The following AP2B1 variants were observed in gnomAD, a reference collection of about 807,000 sequenced individuals.
AP2B1 encodes the protein AP-2 complex subunit beta.
A neutral mutation model predicts 102.0 loss-of-function variants in AP2B1; 23 were observed. That is an observed-to-expected ratio of 0.23 (90% CI 0.16 to 0.32). AP2B1 has a LOEUF of 0.32. AP2B1 is among the 10% of genes least tolerant of loss of function. The probability of loss-of-function intolerance (pLI) is 1.00; values close to 1 mark genes in which losing one functional copy is unlikely to be tolerated. For missense variants in AP2B1, 541 were observed against 1,157.4 expected (o/e 0.47, Z 7.73); for synonymous variants, 381 against 421.2 (o/e 0.90, Z 1.17).
chr17:35,631,913 T>G (rs905299859), intron 9 of AP2B1, among the ~76,000 whole-genome samples: 1 of 152,192 alleles, frequency 6.6e-6, no homozygotes, highest in Admixed American at 6.5e-5. Flanking sequence ...GTAATTGAGA[T>G]GTTAACCCTT....
chr17:35,674,156 A>G lies in AP2B1; in HGVS notation c.2179-20A>G, dbSNP rs2075650198. On this transcript the variant is annotated intron_variant, in intron 16 of 21. Transcript: ENST00000610402. ...AGATAAATCTTGTCTGATTCTATTG[A>G]GCTTTATACTGTGTTTCAGGTCTGG... 2 of 1,603,670 alleles carry G rather than the reference A, an allele frequency of 1.2e-6. No homozygotes were observed. Among genetic ancestry groups the G allele is most frequent in the Non-Finnish European group, 1.7e-6 (2 of 1,174,660 alleles).
At chr17:35,683,431 AAG>A (rs773322131) in intron 18 of AP2B1, among the ~76,000 whole-genome samples, 3 of 152,196 alleles carry the variant, frequency 2.0e-5, no homozygotes, top group Admixed American at 1.3e-4. Context: ...TTAATATAAG[AAG>A]AGATTTATAT....
chr17:35,649,277 C>A (rs225280), intron 12 of AP2B1, among the ~76,000 whole-genome samples: 2 of 150,590 alleles, frequency 1.3e-5, no homozygotes, highest in Non-Finnish European at 3.0e-5. Context: ...AAAAAAATTT[C>A]TTTTTTTTGG....
intron 18 of AP2B1, among the ~76,000 whole-genome samples, chr17:35,706,818 T>A: frequency 6.6e-6 from 1 of 151,686 alleles, no homozygotes; most frequent in Non-Finnish European, 1.5e-5. Context: ...TATATATATA[T>A]TTTTTTGTAT....
At chr17:35,630,996 A>G (rs1161289701) in intron 9 of AP2B1, among the ~76,000 whole-genome samples, 2 of 152,346 alleles carry the variant, frequency 1.3e-5, no homozygotes, top group East Asian at 1.9e-4. Flanking sequence ...TAACTCATCC[A>G]TGGGACAGGA....
intron 18 of AP2B1, among the ~76,000 whole-genome samples, chr17:35,706,810 T>A (rs1236482206): frequency 1.3e-5 from 2 of 151,888 alleles, no homozygotes; most frequent in Non-Finnish European, 2.9e-5. Flanking sequence ...CCAACTAATA[T>A]ATATATATTT....
intron 14 of AP2B1, among the ~76,000 whole-genome samples, chr17:35,661,304 C>G (rs1276263480): frequency 6.6e-6 from 1 of 152,118 alleles, no homozygotes; most frequent in Non-Finnish European, 1.5e-5. Context: ...GAGGCAGGAC[C>G]TAGACATTGC....
At chr17:35,610,907 C>CA (rs566884121) in intron 5 of AP2B1, among the ~76,000 whole-genome samples, 110,708 of 134,428 alleles carry the variant, frequency 0.82, 45,342 homozygotes, top group East Asian at 0.96. Context: ...ACTCTTGTCT[C>CA]AAAAAAAAAA....
chr17:35,602,952 G>A lies in AP2B1; in HGVS notation c.144-2753G>A, dbSNP rs1191747369. On this transcript the variant is annotated intron_variant, in intron 3 of 21. Coordinates refer to ENST00000610402, the MANE Select transcript of AP2B1 (RefSeq NM_001030006.2). ...TTGTTTTGTGCATGAGCTAGTCTAG[G>A]AAATAGAAAACACATTTTTGGAGAG... is the stretch of plus-strand genomic sequence containing the variant. Among the ~76,000 whole-genome samples, 10 of 152,284 alleles carry A rather than the reference G, an allele frequency of 6.6e-5. No homozygotes were observed. The East Asian group carries it at 1.9e-3, about 29-fold the overall frequency.
intron 14 of AP2B1, among the ~76,000 whole-genome samples, chr17:35,665,835 A>C (rs1266098058): frequency 6.6e-6 from 1 of 152,246 alleles, no homozygotes; most frequent in Non-Finnish European, 1.5e-5. Flanking sequence ...ACAGTTTTAG[A>C]AGCAAACAGA....
chr17:35,624,331 G>GCC, intron 5 of AP2B1, 66 bp from the exon 6 acceptor site: 1 of 1,441,510 alleles, frequency 6.9e-7, no homozygotes, highest in Non-Finnish European at 9.6e-7. Context: ...AGAGAAGGCT[G>GCC]ATGAAGTGTT....
intron 5 of AP2B1, 83 bp from the exon 6 acceptor site, chr17:35,624,314 A>G: frequency 7.8e-7 from 1 of 1,276,790 alleles, no homozygotes; most frequent in African/African-American, 1.5e-5. Context: ...GATCCGTGAA[A>G]TGACCCAGAG....
intron 10 of AP2B1, among the ~76,000 whole-genome samples, chr17:35,637,565 T>C (rs1407189569): frequency 1.3e-5 from 2 of 152,192 alleles, no homozygotes; most frequent in Non-Finnish European, 2.9e-5. Context: ...TTAGTAGATA[T>C]ATTTTGGCAA....
At chr17:35,616,721 A>G (rs928511461) in intron 5 of AP2B1, among the ~76,000 whole-genome samples, 1 of 152,094 alleles carries the variant, frequency 6.6e-6, no homozygotes, top group African/African-American at 2.4e-5. Context: ...GTGTTTAGTC[A>G]CTTCCTTTTA....
intron 18 of AP2B1, among the ~76,000 whole-genome samples, chr17:35,690,703 T>C (rs1191033704): frequency 2.0e-5 from 3 of 152,228 alleles, no homozygotes; most frequent in Non-Finnish European, 4.4e-5. Context: ...TGTGGTGGTA[T>C]TGCTAATCCA....
chr17:35,671,746 TCCTGCA>T lies in AP2B1; in HGVS notation c.2032-7_2032-2del. ...ATCTCCCCTCTCCCTTTTTTTTTTC[TCCTGCA>T]GGTGGGACAATCCTTCATCCCATCA... On this transcript the variant is annotated splice_acceptor_variant and splice_polypyrimidine_tract_variant and intron_variant, in intron 15 of 21. Transcript: ENST00000610402. LOFTEE classifies it high-confidence loss of function. 6.2e-7 allele frequency: 1 copy of T among 1,611,794 alleles called. No homozygotes were observed. Among genetic ancestry groups the T allele is most frequent in the Non-Finnish European group, 8.5e-7 (1 of 1,179,108 alleles).
chr17:35,659,986 G>A lies in AP2B1; in HGVS notation c.1989+2195G>A, dbSNP rs116137945. 2.3e-4 allele frequency: 225 copies of A among 985,266 alleles called. No homozygotes were observed. The African/African-American group carries it at 3.7e-3, about 16-fold the overall frequency. The allele number at this position is 985,266 out of a possible 1,614,324, so 61.0% of individuals were successfully genotyped here. On this transcript the variant is annotated intron_variant, in intron 14 of 21. Coordinates refer to ENST00000610402, the MANE Select transcript of AP2B1 (RefSeq NM_001030006.2). Reference sequence around the variant, plus strand: ...GAAGATGAGTTTCTAAGGCGGCAGTGGACTTTTAAAATGCTTTTATTGTTC... The same window carrying A: ...GAAGATGAGTTTCTAAGGCGGCAGTAGACTTTTAAAATGCTTTTATTGTTC...
intron 20 of AP2B1, among the ~76,000 whole-genome samples, chr17:35,714,753 T>C (rs926083983): frequency 1.3e-5 from 2 of 152,144 alleles, no homozygotes; most frequent in Non-Finnish European, 2.9e-5. Flanking sequence ...AGAAATCATA[T>C]CTTGAACGAA....
intron 18 of AP2B1, among the ~76,000 whole-genome samples, chr17:35,703,787 T>C (rs1405424780): frequency 1.3e-5 from 2 of 151,978 alleles, no homozygotes; most frequent in Non-Finnish European, 2.9e-5. Flanking sequence ...ATGACACAAG[T>C]TTACCTATGT....
Sources: gnomAD v4.1 joint callset for allele counts (sites outside exome capture counted in the v4.1 genomes callset) on GRCh38, gnomAD v4.1.1 for gene constraint, MANE v1.5 for transcripts, NCBI Gene and HGNC (gene_info 2026-07-23, HGNC 2026-07-21) for gene names.